Variants in SNTG2 observed in about 807,000 individuals in gnomAD.
The protein encoded by SNTG2 is gamma-2-syntrophin.
A neutral mutation model predicts 70.9 loss-of-function variants in SNTG2; 74 were observed. That is an observed-to-expected ratio of 1.04 (90% CI 0.86 to 1.27). The LOEUF is 1.27. SNTG2 is among the 50% of genes most tolerant of loss of function. SNTG2 has a pLI of 0.00. For synonymous variants in SNTG2, 278 were observed against 273.8 expected (o/e 1.02, Z -0.15); for missense variants, 717 against 690.7 (o/e 1.04, Z -0.43).
intron 16 of SNTG2, among the ~76,000 whole-genome samples, chr2:1,363,895 C>T (rs1661332925): frequency 6.6e-6 from 1 of 152,182 alleles, no homozygotes; most frequent in African/African-American, 2.4e-5. Context: ...TCATTCCTGG[C>T]TTTCAGTACT....
chr2:1,037,257 C>T (rs545100678), intron 1 of SNTG2, among the ~76,000 whole-genome samples: 17 of 152,278 alleles, frequency 1.1e-4, no homozygotes, highest in African/African-American at 3.4e-4. Context: ...TTTGGGACAC[C>T]AAGGCAGTGG....
chr2:1,326,272 C>T lies in SNTG2; in HGVS notation c.1488+9897C>T, dbSNP rs541895055. On this transcript the variant is annotated intron_variant, in intron 16 of 16. Coordinates refer to ENST00000308624, the MANE Select transcript of SNTG2 (RefSeq NM_018968.4). The stretch of plus-strand genomic sequence containing the variant: ...TTATGATTTTTACATACCAAGGAAA[C>T]GTAATATGCCTTTCTTGGACTTGCA... Among the ~76,000 whole-genome samples the T allele has an allele frequency of 9.9e-5, 15 of 152,196 alleles. No homozygotes were observed. In the South Asian group the frequency reaches 1.9e-3, roughly 19 times the overall value.
At chr2:1,233,915 T>C (rs1247506269) in intron 9 of SNTG2, among the ~76,000 whole-genome samples, 6 of 150,510 alleles carry the variant, frequency 4.0e-5, no homozygotes, top group African/African-American at 1.2e-4. Context: ...GACCCCGGGG[T>C]GCCAAGCGCT....
intron 9 of SNTG2, among the ~76,000 whole-genome samples, chr2:1,231,080 ATT>A (rs1676204086): frequency 1.0e-4 from 10 of 97,814 alleles, no homozygotes; most frequent in African/African-American, 6.5e-4. Context: ...CGAAAGGTGA[ATT>A]ACTTAGGATA....
In SNTG2 at chr2:1,320,868, C is replaced by T. The variant is rs146211639; in HGVS notation, c.1488+4493C>T. Reference sequence around the variant, plus strand: ...TTCCCACGAAAGATACCCAGGGAGGCCCCCCCATGTTTCTGTGTATATTGC... The same window carrying T: ...TTCCCACGAAAGATACCCAGGGAGGTCCCCCCATGTTTCTGTGTATATTGC... On this transcript the variant is annotated intron_variant, in intron 16 of 16. Transcript: ENST00000308624. Among the ~76,000 whole-genome samples the T allele has an allele frequency of 1.6e-3, 248 of 152,152 alleles. 4 individuals are homozygous for T. Among genetic ancestry groups the T allele is most frequent in the Admixed American group, 0.01 (156 of 15,292 alleles).
intron 1 of SNTG2, among the ~76,000 whole-genome samples, chr2:1,003,726 A>G (rs778222565): frequency 2.6e-5 from 4 of 152,234 alleles, no homozygotes; most frequent in African/African-American, 7.2e-5. Context: ...GTGACGATCT[A>G]TTAATAGATG....
chr2:1,134,159 C>T lies in SNTG2; in HGVS notation c.326-3463C>T, dbSNP rs537582919. The stretch of plus-strand genomic sequence containing the variant: ...CTGGAGACCTTTGCGGTGAGTGTTA[C>T]AGCTCATAAAGGCAGCGTGGACCCA... On this transcript the variant is annotated intron_variant, in intron 4 of 16. Transcript: ENST00000308624. 2.6e-5 allele frequency among the ~76,000 whole-genome samples: 4 copies of T among 152,234 alleles called. 1 individual carries two copies. Among genetic ancestry groups the T allele is most frequent in the South Asian group, 4.1e-4 (2 of 4,826 alleles).
chr2:1,055,613 A>T (rs540228451), intron 1 of SNTG2, among the ~76,000 whole-genome samples: 1 of 152,314 alleles, frequency 6.6e-6, no homozygotes, highest in South Asian at 2.1e-4. Flanking sequence ...AGTAGCAGGT[A>T]CAACTATTTA....
intron 8 of SNTG2, among the ~76,000 whole-genome samples, chr2:1,178,141 A>C (rs1215309411): frequency 6.6e-6 from 1 of 152,184 alleles, no homozygotes; most frequent in Non-Finnish European, 1.5e-5. Context: ...ATCATGTAAA[A>C]GCCAATTTGC....
At chr2:1,175,287 T>C (rs1409802337) in intron 8 of SNTG2, among the ~76,000 whole-genome samples, 2 of 152,228 alleles carry the variant, frequency 1.3e-5, no homozygotes, top group Non-Finnish European at 2.9e-5. Flanking sequence ...ACCTCTGTTG[T>C]ATTCTATTGG....
chr2:1,277,365 G>A lies in SNTG2; in HGVS notation c.1284+9794G>A, dbSNP rs888454583. Reference sequence around the variant, plus strand: ...CAGCCACCATCCGCATCAGTCAGCAGCCATCAACATCCAGGCAAGGTCCTC... The same window carrying A: ...CAGCCACCATCCGCATCAGTCAGCAACCATCAACATCCAGGCAAGGTCCTC... On this transcript the variant is annotated intron_variant, in intron 14 of 16. Coordinates refer to ENST00000308624, the MANE Select transcript of SNTG2 (RefSeq NM_018968.4). Among the ~76,000 whole-genome samples, 6 of 152,310 alleles carry A rather than the reference G, an allele frequency of 3.9e-5. No individual in the cohort carries two copies. In the Middle Eastern group the frequency reaches 0.01, roughly 259 times the overall value.
intron 14 of SNTG2, among the ~76,000 whole-genome samples, chr2:1,278,943 G>A (rs939047273): frequency 2.0e-5 from 3 of 150,512 alleles, no homozygotes; most frequent in African/African-American, 7.3e-5. Flanking sequence ...CTGTCAGTGC[G>A]CGAATCACCC....
rs116311147 is a variant in SNTG2, at chr2:1,223,742, C to A, written c.720-14146C>A. Among the ~76,000 whole-genome samples, 1,465 of 152,302 alleles carry A rather than the reference C, an allele frequency of 9.6e-3. 27 individuals are homozygous for A. Among genetic ancestry groups the A allele is most frequent in the African/African-American group, 0.033 (1,392 of 41,570 alleles). On this transcript the variant is annotated intron_variant, in intron 9 of 16. Coordinates refer to ENST00000308624, the MANE Select transcript of SNTG2 (RefSeq NM_018968.4). ...TGGAGAAGGTTTTAAAGGCACGAGACCTTCAGGGTGTACATGACCTCAGCA... is the reference window on the plus strand; with the variant it reads ...TGGAGAAGGTTTTAAAGGCACGAGAACTTCAGGGTGTACATGACCTCAGCA...
rs1238986145 is a variant in SNTG2 at position 1,304,709 on chromosome 2, A to G, written c.1285-3785A>G. 2.0e-4 allele frequency among the ~76,000 whole-genome samples: 29 copies of G among 148,342 alleles called. No homozygotes were observed. The Admixed American group carries it at 2.0e-3, about 10-fold the overall frequency. On this transcript the variant is annotated intron_variant, in intron 14 of 16. Coordinates refer to ENST00000308624, the MANE Select transcript of SNTG2 (RefSeq NM_018968.4). Reference sequence around the variant, plus strand: ...CCACTGCACTCCAGCCTGGGCAATAAGAGCGAAACTCTCTCTCTCAAAAAA... The same window carrying G: ...CCACTGCACTCCAGCCTGGGCAATAGGAGCGAAACTCTCTCTCTCAAAAAA...
At chr2:1,050,204 G>A (rs1227943560) in intron 1 of SNTG2, among the ~76,000 whole-genome samples, 1 of 151,958 alleles carries the variant, frequency 6.6e-6, no homozygotes, top group Non-Finnish European at 1.5e-5. Flanking sequence ...TTTTAATGTA[G>A]ACTTAGTTTA....
intron 14 of SNTG2, among the ~76,000 whole-genome samples, chr2:1,289,730 C>T (rs993950500): frequency 1.3e-5 from 2 of 152,200 alleles, no homozygotes; most frequent in African/African-American, 4.8e-5. Context: ...CTGTCACCAC[C>T]ATCACCAGAA....
intron 1 of SNTG2, among the ~76,000 whole-genome samples, chr2:1,022,216 G>C (rs1248760636): frequency 6.6e-6 from 1 of 152,052 alleles, no homozygotes; most frequent in African/African-American, 2.4e-5. Flanking sequence ...CTAGGTTCTT[G>C]CAAGTCCCTG....
chr2:1,289,722 G>A (rs1456624899), intron 14 of SNTG2, among the ~76,000 whole-genome samples: 3 of 152,144 alleles, frequency 2.0e-5, no homozygotes, highest in African/African-American at 7.2e-5. Flanking sequence ...GTGTTCAGCT[G>A]TCACCACCAT....
At chr2:1,163,333 C>T (rs1471514300) in intron 6 of SNTG2, 1 of 147,956 alleles carries the variant, frequency 6.8e-6, no homozygotes, top group Non-Finnish European at 1.5e-5. Flanking sequence ...CATGGGAAGC[C>T]TCCCAACAGG....
Sources: gnomAD v4.1 joint callset for allele counts (sites outside exome capture counted in the v4.1 genomes callset) on GRCh38, gnomAD v4.1.1 for gene constraint, MANE v1.5 for transcripts, NCBI Gene and HGNC (gene_info 2026-07-23, HGNC 2026-07-21) for gene names.